The following SPRED2 variants were observed in gnomAD, a reference collection of about 807,000 sequenced individuals.
The protein encoded by SPRED2 is sprouty related EVH1 domain containing 2.
Under a neutral mutation model 43.0 loss-of-function variants are expected in SPRED2, and 47 were observed. The observed-to-expected ratio is 1.09, with a 90% CI of 0.87 to 1.40. The LOEUF is 1.40. SPRED2 is among the 40% of genes most tolerant of loss of function. The pLI, the probability that SPRED2 is intolerant of heterozygous loss-of-function variation, is 0.00. For missense variants in SPRED2, 561 were observed against 586.4 expected (o/e 0.96, Z 0.45); for synonymous variants, 225 against 225.7 (o/e 1.00, Z 0.03).
chr2:65,318,174 C>T (rs1272422877), intron 4 of SPRED2, among the ~76,000 whole-genome samples: 3 of 152,098 alleles, frequency 2.0e-5, no homozygotes, highest in Non-Finnish European at 4.4e-5. Flanking sequence ...TTTTGCCTGC[C>T]ACCATCCGCG....
intron 1 of SPRED2, among the ~76,000 whole-genome samples, chr2:65,388,488 G>A (rs1424240989): frequency 6.6e-6 from 1 of 152,134 alleles, no homozygotes; most frequent in African/African-American, 2.4e-5. Context: ...ATGGGCTTAC[G>A]GCTCCATTTT....
chr2:65,344,627 G>T (rs1558661229), intron 2 of SPRED2, 92 bp downstream of exon 2: 2 of 1,511,778 alleles, frequency 1.3e-6, no homozygotes, highest in Non-Finnish European at 1.8e-6. Context: ...GAGAAAGAAA[G>T]AAAAAAATAC....
At chr2:65,404,242 T>G (rs144104452) in intron 1 of SPRED2, among the ~76,000 whole-genome samples, 1 of 151,656 alleles carries the variant, frequency 6.6e-6, no homozygotes, top group Non-Finnish European at 1.5e-5. Context: ...AGAAGAAACA[T>G]TTGTGCTAGT....
At chr2:65,366,868 G>T in intron 1 of SPRED2, 2 of 975,478 alleles carry the variant, frequency 2.1e-6, no homozygotes, top group Non-Finnish European at 2.7e-6. Context: ...GAAACTGGAA[G>T]CCTGACAGCT....
chr2:65,382,458 C>T (rs888739059), intron 1 of SPRED2, among the ~76,000 whole-genome samples: 1 of 152,180 alleles, frequency 6.6e-6, no homozygotes, highest in Non-Finnish European at 1.5e-5. Flanking sequence ...GGTAACCCCC[C>T]CTCAGCCAGA....
chr2:65,404,205 C>CAAAA (rs66929038), intron 1 of SPRED2, among the ~76,000 whole-genome samples: 1 of 135,950 alleles, frequency 7.4e-6, no homozygotes, highest in Non-Finnish European at 1.5e-5. Context: ...GACTCCGTCT[C>CAAAA]AAAAAAAAAA....
chr2:65,402,164 A>G (rs1295238779), intron 1 of SPRED2, among the ~76,000 whole-genome samples: 2 of 151,100 alleles, frequency 1.3e-5, no homozygotes, highest in African/African-American at 4.9e-5. Context: ...CTGTAATCAC[A>G]GCTACTCGGG....
intron 1 of SPRED2, among the ~76,000 whole-genome samples, chr2:65,394,056 TA>T (rs1005064024): frequency 6.6e-6 from 1 of 152,086 alleles, no homozygotes; most frequent in African/African-American, 2.4e-5. Context: ...AGGAAAATTG[TA>T]ACATTTCAAT....
intron 1 of SPRED2, among the ~76,000 whole-genome samples, chr2:65,348,731 G>C (rs528446880): frequency 6.6e-6 from 1 of 150,860 alleles, no homozygotes; most frequent in East Asian, 2.0e-4. Flanking sequence ...TTGAACCCCA[G>C]AGGCAGAGCT....
chr2:65,374,585 C>A (rs1353511620), intron 1 of SPRED2, among the ~76,000 whole-genome samples: 1 of 152,244 alleles, frequency 6.6e-6, no homozygotes, highest in Non-Finnish European at 1.5e-5. Flanking sequence ...ATGATCACAT[C>A]TAGGATATTT....
At chr2:65,339,487 C>G (rs534967843) in intron 2 of SPRED2, among the ~76,000 whole-genome samples, 1 of 150,750 alleles carries the variant, frequency 6.6e-6, no homozygotes, top group Non-Finnish European at 1.5e-5. Flanking sequence ...GGATTAAGGG[C>G]GGTGCAAGAT....
At chr2:65,329,752 G>C (rs1306400699) in intron 4 of SPRED2, among the ~76,000 whole-genome samples, 1 of 152,168 alleles carries the variant, frequency 6.6e-6, no homozygotes, top group Non-Finnish European at 1.5e-5. Flanking sequence ...TAACCCGCCT[G>C]CTGTTGTTTG....
chr2:65,385,125 C>T (rs908551479), intron 1 of SPRED2, among the ~76,000 whole-genome samples: 2 of 152,048 alleles, frequency 1.3e-5, no homozygotes. Context: ...AGGCGCACCA[C>T]CACACCTGGC....
chr2:65,410,284 T>G (rs1200512085), intron 1 of SPRED2, among the ~76,000 whole-genome samples: 1 of 152,102 alleles, frequency 6.6e-6, no homozygotes, highest in Admixed American at 6.6e-5. Context: ...TGTGCAGGTG[T>G]CAAATGATCT....
intron 3 of SPRED2, 93 bp from the exon 4 acceptor site, chr2:65,332,144 C>T (rs1376160340): frequency 4.0e-6 from 3 of 748,502 alleles, no homozygotes; most frequent in Non-Finnish European, 6.3e-6. Context: ...AACCACATTC[C>T]ATTCTTTTTG....
At chr2:65,346,420 CCA>C (rs1209544283) in intron 1 of SPRED2, among the ~76,000 whole-genome samples, 10 of 151,988 alleles carry the variant, frequency 6.6e-5, no homozygotes, top group Non-Finnish European at 1.0e-4. Flanking sequence ...TTAATTACAC[CCA>C]CACTGTTGGG....
chr2:65,364,160 T>C (rs1225712619), intron 1 of SPRED2, among the ~76,000 whole-genome samples: 5 of 152,224 alleles, frequency 3.3e-5, no homozygotes, highest in African/African-American at 9.6e-5. Flanking sequence ...AAGCTGCTTA[T>C]ACACAATAGC....
Position 65,344,811 on chromosome 2 carries a change from T to A in SPRED2, c.112A>T (p.Ile38Phe). 1 of 1,614,156 alleles carries A rather than the reference T, an allele frequency of 6.2e-7. No individual in the cohort carries two copies. The highest frequency in any genetic ancestry group is 8.5e-7 in the Non-Finnish European group (1 of 1,180,022). ...ACCTTACAGACCCCGACGCGACTGA[T>A]CCCGCCTCCTTCCTGTGGGAACCAT... is the stretch of plus-strand genomic sequence containing the variant. The part of the protein sequence containing the change: ...GGWFPQEGGG[I>F]SRVGVCKVMH... Residue 38 changes from isoleucine (I) to phenylalanine (F), a missense_variant, in exon 2 of 6, where the codon ATC (isoleucine) becomes TTC (phenylalanine). Physicochemically the swap from Ile to Phe is conservative, Grantham distance 21 (BLOSUM62 0). This residue lies in a region of SPRED2 where 305 missense variants were observed against 282.4 expected (regional missense o/e 1.08). Transcript: ENST00000356388.
rs769688048 is a variant in SPRED2 at position 65,344,743 on chromosome 2, A to G, written c.180T>C (p.His60=). The G allele has an allele frequency of 1.2e-6, 2 of 1,614,214 alleles. No homozygotes were observed. The highest frequency in any genetic ancestry group is 4.5e-5 in the East Asian group (2 of 44,890). ...CCAGTTTGTCTTTCTGTCGTTCACCATGGATGAGAAAGCCGCTTCGTCCAT... is the reference window on the plus strand; with the variant it reads ...CCAGTTTGTCTTTCTGTCGTTCACCGTGGATGAGAAAGCCGCTTCGTCCAT... ...EGNGRSGFLI[H]GERQKDKLVV... The change falls in exon 2 of 6, where the codon CAT becomes CAC. Residue 60 remains histidine (H), a synonymous_variant. Coordinates refer to ENST00000356388, the MANE Select transcript of SPRED2 (RefSeq NM_181784.3).
Sources: allele counts gnomAD v4.1 joint callset (sites outside exome capture counted in the v4.1 genomes callset), GRCh38; gene constraint gnomAD v4.1.1; regional missense constraint gnomAD v4.1.1; transcripts MANE v1.5; gene names NCBI Gene and HGNC (gene_info 2026-07-23, HGNC 2026-07-21).